The following ALS2CL variants were observed in gnomAD, a reference collection of about 807,000 sequenced individuals.
ALS2CL encodes the protein ALS2 C-terminal-like protein.
Under a neutral mutation model 127.9 loss-of-function variants are expected in ALS2CL, and 112 were observed. The ratio of observed to expected loss-of-function variants is 0.88; its 90% confidence interval spans 0.75 to 1.02. The LOEUF (loss-of-function observed/expected upper bound fraction) is 1.02, where lower values mean the gene tolerates loss of function less well. ALS2CL is among the 50% of genes least tolerant of loss of function. The pLI is 0.00. For missense variants in ALS2CL, 1,174 were observed against 1,236.7 expected (o/e 0.95, Z 0.76); for synonymous variants, 519 against 527.6 (o/e 0.98, Z 0.22).
chr3:46,681,580 C>T lies in ALS2CL; in HGVS notation c.1194G>A (p.Leu398=), dbSNP rs1699349305. The change falls in exon 12 of 26, where the codon CTG becomes CTA. Residue 398 remains leucine, a synonymous_variant. Transcript: ENST00000318962. The surrounding 1 kb of genome is among the most constrained non-coding windows in gnomAD (Gnocchi z 4.9). ...GLEHGFGIRL[L]PQASEDKFDC... is the part of the protein sequence containing the mutation. Reference sequence around the variant, plus strand: ...CGAACTTGTCCTCAGAGGCCTGGGGCAGCAGGCGGATGCCGAAGCTGACAG... The same window carrying T: ...CGAACTTGTCCTCAGAGGCCTGGGGTAGCAGGCGGATGCCGAAGCTGACAG... 2 of 1,614,000 alleles carry T rather than the reference C, an allele frequency of 1.2e-6. No individual in the cohort carries two copies. Among genetic ancestry groups the T allele is most frequent in the Admixed American group, 1.7e-5 (1 of 59,992 alleles).
intron 10 of ALS2CL, 70 bp downstream of exon 10, chr3:46,683,060 T>C (rs908429389): frequency 7.0e-7 from 1 of 1,419,090 alleles, no homozygotes; most frequent in Middle Eastern, 2.6e-4. Context: ...CAATTAGGCT[T>C]GTGTGCTGCT....
chr3:46,692,285 A>G (rs1700204620), intron 1 of ALS2CL, among the ~76,000 whole-genome samples: 1 of 152,116 alleles, frequency 6.6e-6, no homozygotes, highest in African/African-American at 2.4e-5. Context: ...ATGAGTGTGC[A>G]CGTTTGCAGG....
intron 1 of ALS2CL, among the ~76,000 whole-genome samples, chr3:46,692,951 G>A (rs11718902): frequency 0.38 from 57,518 of 152,042 alleles, 11,296 homozygotes; most frequent in Non-Finnish European, 0.42. Flanking sequence ...AGGCAGGGAA[G>A]TTCTGCCTGC....
chr3:46,678,381 G>A lies in ALS2CL; in HGVS notation c.1635C>T (p.Val545=). The A allele has an allele frequency of 6.2e-7, 1 of 1,611,994 alleles. No homozygotes were observed. The change falls in exon 16 of 26, where the codon GTC becomes GTT. Residue 545 remains valine (V), a synonymous_variant. Transcript: ENST00000318962. ...RDLTLMGKGK[V]TFPNGFTLEG... is the part of the protein sequence containing the mutation. Reference sequence around the variant, plus strand: ...CCAGGGTGAAGCCATTGGGGAAGGTGACCTTGCCCTGGGAGCCAGGAGAAG... The same window carrying A: ...CCAGGGTGAAGCCATTGGGGAAGGTAACCTTGCCCTGGGAGCCAGGAGAAG...
Position 46,681,679 on chromosome 3 carries a change from C to A in ALS2CL, c.1176-81G>T. ...CCTACTCCATGCCACCCAGGAGTAT[C>A]CCTGCCCCCAAGGAGCCTTCCAGAC... On this transcript the variant is annotated intron_variant, in intron 11 of 25. Coordinates refer to ENST00000318962, the MANE Select transcript of ALS2CL (RefSeq NM_147129.5). The surrounding 1 kb of genome is among the most constrained non-coding windows in gnomAD (Gnocchi z 4.9). 1.4e-6 allele frequency: 2 copies of A among 1,398,984 alleles called. No individual in the cohort carries two copies. The highest frequency in any genetic ancestry group is 2.0e-6 in the Non-Finnish European group (2 of 998,588). The allele number at this position is 1,398,984 out of a possible 1,614,324, so 86.7% of individuals were successfully genotyped here. A position where few individuals can be genotyped will look rare whatever the true frequency, so the allele number is the denominator to read the frequency against.
In ALS2CL at chr3:46,676,246, T is replaced by A; in HGVS notation, c.2185A>T (p.Arg729Trp). The A allele has an allele frequency of 6.2e-7, 1 of 1,612,754 alleles. No homozygotes were observed. The highest frequency in any genetic ancestry group is 8.5e-7 in the Non-Finnish European group (1 of 1,179,622). Reference protein sequence around the residue: ...QHAQELWAAYRGLLRVALERK... With the variant: ...QHAQELWAAYWGLLRVALERK... ...TGTCCCGTTTGCCACCGAGCCCACC[T>A]GTAGGCAGCCCAGAGTTCCTGGGCA... The change falls in exon 19 of 26, where the codon AGG becomes TGG. Residue 729 changes from arginine to tryptophan, a missense_variant and splice_region_variant. Transcript: ENST00000318962.
intron 7 of ALS2CL, among the ~76,000 whole-genome samples, chr3:46,685,023 A>C (rs1699653453): frequency 6.6e-6 from 1 of 152,178 alleles, no homozygotes; most frequent in Non-Finnish European, 1.5e-5. Flanking sequence ...AACAATTCCC[A>C]GCCTCAGGCC....
chr3:46,689,501 ACAGGAGCAAGGCCAGTGCC>A (rs1266995878), intron 1 of ALS2CL, 36 bp from the exon 2 acceptor site: 13 of 1,423,562 alleles, frequency 9.1e-6, no homozygotes, highest in Non-Finnish European at 1.1e-5. Context: ...GATAGCACAG[ACAGGAGCAAGGCCAGTGCC>A]CATCCTCTCA....
At chr3:46,685,713 A>T in intron 6 of ALS2CL, 69 bp from the exon 7 acceptor site, 1 of 1,548,032 alleles carries the variant, frequency 6.5e-7, no homozygotes, top group Non-Finnish European at 8.8e-7. Context: ...CCACTCTGCC[A>T]CCTCCCAATG....
intron 13 of ALS2CL, 41 bp from the exon 14 acceptor site, chr3:46,680,582 T>C: frequency 6.3e-7 from 1 of 1,582,216 alleles, no homozygotes; most frequent in Non-Finnish European, 8.6e-7. Context: ...ATCAGACTCA[T>C]TCCCATGTAC....
chr3:46,683,738 T>C lies in ALS2CL; in HGVS notation c.912+44A>G, dbSNP rs539958483. 207 of 1,603,574 alleles carry C rather than the reference T, an allele frequency of 1.3e-4. 5 individuals are homozygous for C. The South Asian group carries it at 1.9e-3, about 15-fold the overall frequency. On this transcript the variant is annotated intron_variant, in intron 9 of 25. Coordinates refer to ENST00000318962, the MANE Select transcript of ALS2CL (RefSeq NM_147129.5). ...ATACTTCTGCCCTCTTCCTACCCTG[T>C]CCTCTGACCCCGCTCCCGCAGTTCA...
In ALS2CL at chr3:46,675,984, G is replaced by A; in HGVS notation, c.2186+261C>T. The stretch of plus-strand genomic sequence containing the variant: ...TCCAGGGCCAAGCTCAGCCTACAGT[G>A]GGGTGAGAGTGCACCTGCGGTCAGA... On this transcript the variant is annotated intron_variant, in intron 19 of 25. Coordinates refer to ENST00000318962, the MANE Select transcript of ALS2CL (RefSeq NM_147129.5). 2.8e-6 allele frequency: 4 copies of A among 1,422,158 alleles called. No homozygotes were observed. The South Asian group carries it at 4.6e-5, about 16-fold the overall frequency. The allele number at this position is 1,422,158 out of a possible 1,614,324, so 88.1% of individuals were successfully genotyped here.
rs1467018847 is a variant in ALS2CL at position 46,675,617 on chromosome 3, C to T, written c.2255+1G>A. 3.1e-6 allele frequency: 5 copies of T among 1,613,612 alleles called. No homozygotes were observed. Among genetic ancestry groups the T allele is most frequent in the Non-Finnish European group, 4.2e-6 (5 of 1,179,996 alleles). Reference sequence around the variant, plus strand: ...GCCCCAAGGAGACCTGCGCCAGTCACCTTGTCTCTGTGTCTTCATCCTCCT... The same window carrying T: ...GCCCCAAGGAGACCTGCGCCAGTCATCTTGTCTCTGTGTCTTCATCCTCCT... On this transcript the variant is annotated splice_donor_variant, in intron 20 of 25. Transcript: ENST00000318962. LOFTEE classifies it high-confidence loss of function.
rs923889474 is a variant in ALS2CL at position 46,681,493 on chromosome 3, C to A, written c.1274+7G>T. On this transcript the variant is annotated splice_region_variant and intron_variant, in intron 12 of 25. Coordinates refer to ENST00000318962, the MANE Select transcript of ALS2CL (RefSeq NM_147129.5). The surrounding 1 kb of genome is among the most constrained non-coding windows in gnomAD (Gnocchi z 4.9). ...AGCCCATGAACCCCCCAGCCAGGGT[C>A]ACTTACTCACAGATGCCGTAGCCAC... 1.9e-6 allele frequency: 3 copies of A among 1,614,114 alleles called. No homozygotes were observed. The highest frequency in any genetic ancestry group is 2.7e-5 in the African/African-American group (2 of 75,048).
chr3:46,689,327 C>G lies in ALS2CL; in HGVS notation c.103+11G>C, dbSNP rs754547134. ...GTGCCCTTCCCTCCCCACTAGAAAG[C>G]CTAGACTCACCGGCTGGGAGCAGGG... On this transcript the variant is annotated intron_variant, in intron 2 of 25. Coordinates refer to ENST00000318962, the MANE Select transcript of ALS2CL (RefSeq NM_147129.5). 2 of 1,612,154 alleles carry G rather than the reference C, an allele frequency of 1.2e-6. No homozygotes were observed. Among genetic ancestry groups the G allele is most frequent in the Non-Finnish European group, 1.7e-6 (2 of 1,179,602 alleles).
At chr3:46,678,513 C>G in intron 15 of ALS2CL, 124 bp from the exon 16 acceptor site, 3 of 1,297,716 alleles carry the variant, frequency 2.3e-6, no homozygotes, top group Non-Finnish European at 3.1e-6. Context: ...GGGCTTCCCG[C>G]CATCCATTCA....
Position 46,681,531 on chromosome 3 carries a change from C to G in ALS2CL, c.1243G>C (p.Glu415Gln). 1 of 1,614,176 alleles carries G rather than the reference C, an allele frequency of 6.2e-7. No homozygotes were observed. Among genetic ancestry groups the G allele is most frequent in the South Asian group, 1.1e-5 (1 of 91,088 alleles). The change falls in exon 12 of 26, where the codon GAA becomes CAA. Residue 415 changes from glutamate (E) to glutamine (Q), a missense_variant. Glu to Gln is a conservative substitution (Grantham distance 29, BLOSUM62 2). Coordinates refer to ENST00000318962, the MANE Select transcript of ALS2CL (RefSeq NM_147129.5). This position sits in a 1 kb window ranked among gnomAD's most constrained non-coding sequence, Gnocchi z 4.9. ...ATGCCGTAGCCACACATGCTGCCTT[C>G]TCGCCAGTGACACTTGTAACAGTCG... Reference protein sequence around the residue: ...KFDCYKCHWREGSMCGYGICE... With the variant: ...KFDCYKCHWRQGSMCGYGICE...
intron 20 of ALS2CL, 170 bp downstream of exon 20, chr3:46,675,448 G>T: frequency 1.6e-6 from 1 of 641,216 alleles, no homozygotes; most frequent in Non-Finnish European, 2.7e-6. Flanking sequence ...TCACAGAACA[G>T]AGGTCATGGG....
chr3:46,689,259 A>G (rs4076927), intron 2 of ALS2CL, 79 bp downstream of exon 2: 479,176 of 1,429,354 alleles, frequency 0.34, 86,368 homozygotes, highest in African/African-American at 0.69. Context: ...GTGGCTCAGC[A>G]AGTCCAACAA....
Sources: gnomAD v4.1 joint callset for allele counts (sites outside exome capture counted in the v4.1 genomes callset) on GRCh38, gnomAD v4.1.1 for gene constraint, Gnocchi (gnomAD v3.1) non-coding constraint, MANE v1.5 for transcripts, NCBI Gene and HGNC (gene_info 2026-07-23, HGNC 2026-07-21) for gene names.